Variants in ZMYM4 observed in about 807,000 individuals in gnomAD.
The protein encoded by ZMYM4 is zinc finger MYM-type containing 4.
ZMYM4 carries 31 observed loss-of-function variants against 183.2 expected under a neutral mutation model. That is an observed-to-expected ratio of 0.17 (90% CI 0.13 to 0.23). ZMYM4 has a LOEUF of 0.23. Among genes scored for constraint, ZMYM4 ranks in the 10% least tolerant of loss-of-function variants. The pLI, the probability that ZMYM4 is intolerant of heterozygous loss-of-function variation, is 1.00. For missense variants in ZMYM4, 1,273 were observed against 1,840.3 expected (o/e 0.69, Z 5.64); for synonymous variants, 592 against 631.2 (o/e 0.94, Z 0.93).
intron 2 of ZMYM4, among the ~76,000 whole-genome samples, chr1:35,342,603 A>G (rs867681263): frequency 3.3e-5 from 5 of 152,026 alleles, no homozygotes; most frequent in East Asian, 1.9e-4. Context: ...TGTGAAGTGT[A>G]TGTTTGAATT....
intron 27 of ZMYM4, among the ~76,000 whole-genome samples, chr1:35,414,448 G>A (rs1277992516): frequency 6.6e-6 from 1 of 152,072 alleles, no homozygotes; most frequent in Non-Finnish European, 1.5e-5. Context: ...TTAAGTCCTC[G>A]TCCTTGAATT....
rs144728426 is a variant in ZMYM4 at position 35,349,575 on chromosome 1, C to T, written c.86-9350C>T. Among the ~76,000 whole-genome samples the T allele has an allele frequency of 3.8e-4, 58 of 152,140 alleles. No homozygotes were observed. The East Asian group carries it at 0.01, about 27-fold the overall frequency. On this transcript the variant is annotated intron_variant, in intron 2 of 29. Transcript: ENST00000314607. ...GAGCGCGGTGGCTCATGCCTGTAAT[C>T]CTAGCACTTTGGGAGGCTGAGGCAG...
At chr1:35,413,005 G>A (rs1639975956) in intron 26 of ZMYM4, among the ~76,000 whole-genome samples, 1 of 152,088 alleles carries the variant, frequency 6.6e-6, no homozygotes, top group Non-Finnish European at 1.5e-5. Flanking sequence ...ACTACTCATG[G>A]TGTGTCCCTG....
intron 7 of ZMYM4, among the ~76,000 whole-genome samples, chr1:35,374,121 T>A (rs1385681709): frequency 1.5e-5 from 2 of 133,608 alleles, no homozygotes; most frequent in Non-Finnish European, 3.1e-5. Context: ...AACCTCCACC[T>A]CCGGGGTTCA....
chr1:35,351,894 C>G (rs1476470799), intron 2 of ZMYM4, among the ~76,000 whole-genome samples: 1 of 152,068 alleles, frequency 6.6e-6, no homozygotes, highest in Non-Finnish European at 1.5e-5. Flanking sequence ...ATGAAATTTG[C>G]TTTCATTATA....
rs72895299 is a variant in ZMYM4 at position 35,284,903 on chromosome 1, C to T, written c.39+15818C>T. 3.3e-3 allele frequency among the ~76,000 whole-genome samples: 510 copies of T among 152,270 alleles called. 6 individuals are homozygous for T. Among genetic ancestry groups the T allele is most frequent in the South Asian group, 0.016 (79 of 4,822 alleles). On this transcript the variant is annotated intron_variant, in intron 1 of 29. Transcript: ENST00000314607. ...TAGCTGATTACCTTTTAAAGTCCCC[C>T]TCTCCAAGTATTATTACATGGGGGG...
intron 28 of ZMYM4, among the ~76,000 whole-genome samples, 170 bp downstream of exon 28, chr1:35,415,884 A>G (rs928487041): frequency 2.0e-5 from 3 of 152,228 alleles, no homozygotes; most frequent in African/African-American, 7.2e-5. Context: ...CCTCAAAGTG[A>G]GAGGAATCAC....
At chr1:35,386,280 C>A in intron 11 of ZMYM4, 91 bp downstream of exon 11, 1 of 854,458 alleles carries the variant, frequency 1.2e-6, no homozygotes, top group Non-Finnish European at 1.8e-6. Flanking sequence ...ATACCCTAGA[C>A]TGGGTAATTT....
chr1:35,302,356 G>A (rs906763814), intron 1 of ZMYM4, among the ~76,000 whole-genome samples: 1 of 148,976 alleles, frequency 6.7e-6, no homozygotes, highest in African/African-American at 2.5e-5. Context: ...ACAGGCCTGT[G>A]CCAGCGGACT....
chr1:35,303,685 T>C (rs1400451000), intron 1 of ZMYM4, among the ~76,000 whole-genome samples: 2 of 152,236 alleles, frequency 1.3e-5, no homozygotes, highest in Non-Finnish European at 2.9e-5. Context: ...TATTGATCTT[T>C]TGATAGAACT....
intron 2 of ZMYM4, among the ~76,000 whole-genome samples, chr1:35,346,945 A>G (rs1259983706): frequency 6.6e-6 from 1 of 152,208 alleles, no homozygotes; most frequent in African/African-American, 2.4e-5. Flanking sequence ...AATCATTCTT[A>G]GCTTAGAGCC....
rs2149051232 is a variant in ZMYM4, at chr1:35,418,421, GATT to G, written c.4310-15_4310-13del. ...ATAGACTTTTCTAATATAATCCTTT[GATT>G]ATTATTTCCTGTCTCAAGATAAACT... On this transcript the variant is annotated intron_variant, in intron 28 of 29. Transcript: ENST00000314607. The G allele has an allele frequency of 6.2e-7, 1 of 1,611,136 alleles. No homozygotes were observed. Among genetic ancestry groups the G allele is most frequent in the South Asian group, 1.1e-5 (1 of 90,754 alleles).
Position 35,282,980 on chromosome 1 carries a change from G to GTTTTTTTTTTTTTTTT in ZMYM4, c.39+13916_39+13931dup, listed in dbSNP as rs775211352. On this transcript the variant is annotated intron_variant, in intron 1 of 29. Coordinates refer to ENST00000314607, the MANE Select transcript of ZMYM4 (RefSeq NM_005095.3). ...ATACTTGTTGTTTTCTGTGTGTGTG[G>GTTTTTTTTTTTTTTTT]TTTTTTTTTTTTTTTTTTTTTTTTT... Among the ~76,000 whole-genome samples the GTTTTTTTTTTTTTTTT allele has an allele frequency of 2.3e-4, 6 of 26,260 alleles. 2 individuals are homozygous for GTTTTTTTTTTTTTTTT. The highest frequency in any genetic ancestry group is 4.6e-4 in the Non-Finnish European group (4 of 8,634). 17.2% of individuals were successfully genotyped at this position (26,260 alleles called of 152,430 possible).
At chr1:35,331,618 G>C (rs1380866374) in intron 2 of ZMYM4, among the ~76,000 whole-genome samples, 2 of 151,508 alleles carry the variant, frequency 1.3e-5, no homozygotes, top group African/African-American at 4.9e-5. Context: ...AAACCCTGTT[G>C]CTACTAAAAA....
chr1:35,367,993 A>C (rs1418788476), intron 5 of ZMYM4, among the ~76,000 whole-genome samples: 1 of 152,120 alleles, frequency 6.6e-6, no homozygotes, highest in African/African-American at 2.4e-5. Context: ...ATTATACATC[A>C]AAATGAGTAA....
chr1:35,344,425 G>A (rs1252416603), intron 2 of ZMYM4, among the ~76,000 whole-genome samples: 1 of 151,984 alleles, frequency 6.6e-6, no homozygotes, highest in Non-Finnish European at 1.5e-5. Context: ...TTTCAACTTA[G>A]GGGGAAAGTA....
At position 35,405,490 on chromosome 1, in the gene ZMYM4, T is replaced by C. The variant is rs892997741; in HGVS notation, c.3796+22T>C. Reference sequence around the variant, plus strand: ...AGAGGTAAAATTTGTTTCTCTCCATTTGGTATGAATTATTTATATTATTAT... The same window carrying C: ...AGAGGTAAAATTTGTTTCTCTCCATCTGGTATGAATTATTTATATTATTAT... On this transcript the variant is annotated intron_variant, in intron 25 of 29. Coordinates refer to ENST00000314607, the MANE Select transcript of ZMYM4 (RefSeq NM_005095.3). 5.3e-6 allele frequency: 8 copies of C among 1,518,956 alleles called. No individual in the cohort carries two copies. In the Admixed American group the frequency reaches 1.6e-4, roughly 31 times the overall value. The allele number at this position is 1,518,956 out of a possible 1,614,324, so 94.1% of individuals were successfully genotyped here.
chr1:35,415,591 G>T lies in ZMYM4; in HGVS notation c.4186G>T (p.Val1396Phe). ...FNTKYFQLKN[V>F]TEHLKLSFAH... is the part of the protein sequence containing the mutation. ...TACCAAATACTTCCAACTAAAGAAT[G>T]TTACTGAGCACTTGAAGCTTTCCTT... Residue 1396 changes from valine to phenylalanine, a missense_variant, in exon 28 of 30, where the codon GTT (valine) becomes TTT (phenylalanine). Physicochemically the swap from Val to Phe is conservative, Grantham distance 50. This residue lies in a region of ZMYM4 where 145 missense variants were observed against 331.6 expected (regional missense o/e 0.44). Coordinates refer to ENST00000314607, the MANE Select transcript of ZMYM4 (RefSeq NM_005095.3). 6.2e-7 allele frequency: 1 copy of T among 1,614,150 alleles called. No individual in the cohort carries two copies.
intron 26 of ZMYM4, 88 bp downstream of exon 26, chr1:35,408,247 C>T (rs1279699860): frequency 6.8e-7 from 1 of 1,462,480 alleles, no homozygotes; most frequent in Non-Finnish European, 9.4e-7. Flanking sequence ...CATGTACACA[C>T]CCAGATATAT....
Sources: gnomAD v4.1 joint callset for allele counts (sites outside exome capture counted in the v4.1 genomes callset) on GRCh38, gnomAD v4.1.1 for gene constraint, gnomAD v4.1.1 regional missense constraint, MANE v1.5 for transcripts, NCBI Gene and HGNC (gene_info 2026-07-23, HGNC 2026-07-21) for gene names.